ST6GALNAC3: variants seen among roughly 807,000 people sequenced by gnomAD.
ST6GALNAC3 encodes the protein ST6 N-acetylgalactosaminide alpha-2,6-sialyltransferase 3, also known as alpha-N-acetylgalactosaminide alpha-2,6-sialyltransferase 3.
In ST6GALNAC3, 25 loss-of-function variants were observed where a neutral mutation model predicts 32.7. The observed-to-expected ratio is 0.76, with a 90% CI of 0.56 to 1.07. The LOEUF (loss-of-function observed/expected upper bound fraction) is 1.07, where lower values mean the gene tolerates loss of function less well. Ranked by LOEUF, ST6GALNAC3 falls within the 50% of genes least tolerant of loss-of-function variation. The pLI is 0.00. For missense variants in ST6GALNAC3, 355 were observed against 382.4 expected (o/e 0.93, Z 0.60); for synonymous variants, 129 against 133.1 (o/e 0.97, Z 0.21).
At chr1:76,288,070 G>A (rs917188620) in intron 1 of ST6GALNAC3, among the ~76,000 whole-genome samples, 6 of 152,198 alleles carry the variant, frequency 3.9e-5, no homozygotes, top group African/African-American at 1.4e-4. Context: ...TCATCTTTGA[G>A]ATGCTGATTC....
At chr1:76,247,892 G>T (rs978143214) in intron 1 of ST6GALNAC3, among the ~76,000 whole-genome samples, 6 of 151,992 alleles carry the variant, frequency 3.9e-5, no homozygotes. Flanking sequence ...CCTGCAGCTA[G>T]CTTGGTGTCT....
At chr1:76,591,440 G>T (rs1424875808) in intron 3 of ST6GALNAC3, among the ~76,000 whole-genome samples, 4 of 152,228 alleles carry the variant, frequency 2.6e-5, no homozygotes, top group Non-Finnish European at 1.5e-5. Context: ...TGATGTGCCT[G>T]TATTTTTTCC....
chr1:76,600,322 C>T (rs1434200736), intron 3 of ST6GALNAC3, among the ~76,000 whole-genome samples: 1 of 152,140 alleles, frequency 6.6e-6, no homozygotes, highest in East Asian at 1.9e-4. Context: ...TTCTAAGTCA[C>T]CCAGTTTATG....
At chr1:76,520,202 C>G (rs985584087) in intron 3 of ST6GALNAC3, among the ~76,000 whole-genome samples, 1 of 151,882 alleles carries the variant, frequency 6.6e-6, no homozygotes, top group African/African-American at 2.4e-5. Context: ...ATTTACTCAG[C>G]ACAAATGAGA....
intron 3 of ST6GALNAC3, among the ~76,000 whole-genome samples, chr1:76,527,980 G>A (rs315082): frequency 1.8e-4 from 27 of 152,030 alleles, no homozygotes; most frequent in African/African-American, 5.8e-4. Context: ...AGTATGCTAC[G>A]TGCTGACAAA....
intron 1 of ST6GALNAC3, among the ~76,000 whole-genome samples, chr1:76,083,735 A>C (rs1220419796): frequency 6.6e-6 from 1 of 152,206 alleles, no homozygotes; most frequent in Non-Finnish European, 1.5e-5. Flanking sequence ...TTCATTTCAA[A>C]ATGTACTCAA....
intron 3 of ST6GALNAC3, among the ~76,000 whole-genome samples, chr1:76,506,759 C>T (rs775450047): frequency 2.1e-4 from 32 of 152,154 alleles, no homozygotes; most frequent in Non-Finnish European, 3.2e-4. Flanking sequence ...TCTAAAGAAG[C>T]TTGGATCAGA....
intron 3 of ST6GALNAC3, among the ~76,000 whole-genome samples, chr1:76,422,772 A>C (rs1655110714): frequency 6.6e-6 from 1 of 152,024 alleles, no homozygotes; most frequent in South Asian, 2.1e-4. Flanking sequence ...AATTATTTTG[A>C]ACATTTGGTC....
intron 2 of ST6GALNAC3, among the ~76,000 whole-genome samples, chr1:76,337,321 G>A (rs1570878909): frequency 1.3e-5 from 2 of 152,334 alleles, no homozygotes; most frequent in East Asian, 1.9e-4. Flanking sequence ...AGAGGCAAGA[G>A]GGGTGCCAGA....
chr1:76,197,999 A>G (rs1654302679), intron 1 of ST6GALNAC3, among the ~76,000 whole-genome samples: 1 of 151,718 alleles, frequency 6.6e-6, no homozygotes, highest in Non-Finnish European at 1.5e-5. Flanking sequence ...AACAACTGTT[A>G]CAGAGTTTTG....
intron 2 of ST6GALNAC3, among the ~76,000 whole-genome samples, chr1:76,382,525 C>T (rs1173975059): frequency 6.6e-6 from 1 of 151,976 alleles, no homozygotes; most frequent in African/African-American, 2.4e-5. Flanking sequence ...AATAACGGAT[C>T]AAAGCATCAA....
At chr1:76,488,579 C>A (rs1394277443) in intron 3 of ST6GALNAC3, among the ~76,000 whole-genome samples, 3 of 152,192 alleles carry the variant, frequency 2.0e-5, no homozygotes, top group Non-Finnish European at 4.4e-5. Context: ...AGAGCCAACA[C>A]TTAATACATA....
intron 1 of ST6GALNAC3, among the ~76,000 whole-genome samples, chr1:76,311,028 G>A (rs141275948): frequency 8.9e-4 from 136 of 152,122 alleles, no homozygotes; most frequent in African/African-American, 3.1e-3. Flanking sequence ...TGAATTTTCC[G>A]TCAGCCGCTT....
At chr1:76,467,544 AT>A (rs1001830987) in intron 3 of ST6GALNAC3, among the ~76,000 whole-genome samples, 42 of 152,154 alleles carry the variant, frequency 2.8e-4, no homozygotes, top group African/African-American at 1.0e-3. Context: ...AAGTAGAAAA[AT>A]ATTAATATTA....
intron 1 of ST6GALNAC3, among the ~76,000 whole-genome samples, chr1:76,211,585 A>C (rs1273815578): frequency 1.4e-5 from 2 of 139,528 alleles, no homozygotes; most frequent in Non-Finnish European, 3.1e-5. Context: ...GCACATATAC[A>C]CCATGGAATA....
At chr1:76,407,037 C>CCT (rs965831328) in intron 2 of ST6GALNAC3, among the ~76,000 whole-genome samples, 6 of 151,876 alleles carry the variant, frequency 4.0e-5, no homozygotes, top group Admixed American at 3.9e-4. Flanking sequence ...TTCTTCCCTT[C>CCT]CTCTCTCTCT....
At chr1:76,271,578 A>C (rs1658845753) in intron 1 of ST6GALNAC3, among the ~76,000 whole-genome samples, 1 of 152,210 alleles carries the variant, frequency 6.6e-6, no homozygotes, top group Non-Finnish European at 1.5e-5. Context: ...GAAGGAGACA[A>C]TTCTATCTGG....
chr1:76,332,913 C>A (rs1055810772), intron 2 of ST6GALNAC3, among the ~76,000 whole-genome samples: 1 of 152,038 alleles, frequency 6.6e-6, no homozygotes, highest in Non-Finnish European at 1.5e-5. Context: ...TGTTGGTGTG[C>A]TCAGGTTCCT....
At chr1:76,577,763 G>A (rs1646833618) in intron 3 of ST6GALNAC3, among the ~76,000 whole-genome samples, 2 of 151,984 alleles carry the variant, frequency 1.3e-5, no homozygotes, top group South Asian at 2.1e-4. Context: ...TATTAATGGA[G>A]CAAGTGGTTC....
Sources: gnomAD v4.1 joint callset for allele counts (sites outside exome capture counted in the v4.1 genomes callset) on GRCh38, gnomAD v4.1.1 for gene constraint, MANE v1.5 for transcripts, NCBI Gene and HGNC (gene_info 2026-07-23, HGNC 2026-07-21) for gene names.